Variants in RANBP2 observed in about 807,000 individuals in gnomAD.
RANBP2 encodes the protein E3 SUMO-protein ligase RanBP2.
In RANBP2, 57 loss-of-function variants were observed where a neutral mutation model predicts 303.6. That is an observed-to-expected ratio of 0.19 (90% CI 0.15 to 0.23). The LOEUF (loss-of-function observed/expected upper bound fraction) is 0.23, where lower values mean the gene tolerates loss of function less well. Among genes scored for constraint, RANBP2 ranks in the 10% least tolerant of loss-of-function variants. The pLI is 1.00. For missense variants in RANBP2, 3,138 were observed against 3,780.8 expected, an observed-to-expected ratio of 0.83 and a Z score of 4.46; for synonymous variants, 1,167 against 1,301.5, an observed-to-expected ratio of 0.90 and a Z score of 2.23.
the RANBP2 span, among the ~76,000 whole-genome samples, chr2:109,069,871 G>A: frequency 1.3e-5 from 2 of 152,186 alleles, no homozygotes. Flanking sequence ...ATTTTGTACT[G>A]TAAACCAGTA....
At chr2:108,728,269 C>T (rs1694887855) in intron 1 of RANBP2, among the ~76,000 whole-genome samples, 1 of 152,136 alleles carries the variant, frequency 6.6e-6, no homozygotes. Context: ...GCTTGTCTTA[C>T]TTTCTTGAAT....
the RANBP2 span, among the ~76,000 whole-genome samples, chr2:109,377,556 G>A: frequency 2.0e-5 from 3 of 152,170 alleles, no homozygotes; most frequent in Admixed American, 6.5e-5. Context: ...ATATGGTGTG[G>A]TGTTTGGGAA....
chr2:109,564,558 G>C, the RANBP2 span: 1 of 1,458,980 alleles, frequency 6.9e-7, no homozygotes, highest in African/African-American at 1.4e-5. Flanking sequence ...AATAAGAAAA[G>C]AACAACACTG....
the RANBP2 span, among the ~76,000 whole-genome samples, chr2:109,327,756 A>G: frequency 6.6e-6 from 1 of 152,240 alleles, no homozygotes; most frequent in Non-Finnish European, 1.5e-5. Context: ...ATTTTTAATT[A>G]TATATTTTAG....
At chr2:109,032,960 G>A in the RANBP2 span, among the ~76,000 whole-genome samples, 2 of 152,200 alleles carry the variant, frequency 1.3e-5, no homozygotes, top group African/African-American at 4.8e-5. Flanking sequence ...CCTCATATTT[G>A]ACCCATGTCA....
At chr2:108,967,123 C>T in the RANBP2 span, among the ~76,000 whole-genome samples, 9 of 152,110 alleles carry the variant, frequency 5.9e-5, no homozygotes, top group African/African-American at 9.7e-5. Flanking sequence ...TTAGTAGAGA[C>T]GGAGTTTTGT....
the RANBP2 span, among the ~76,000 whole-genome samples, chr2:109,572,380 G>A: frequency 3.3e-5 from 5 of 152,020 alleles, no homozygotes; most frequent in East Asian, 1.9e-4. Context: ...TGACTTGCCC[G>A]CCTCGGCCTC....
chr2:108,976,050 T>A, the RANBP2 span, among the ~76,000 whole-genome samples: 1 of 152,232 alleles, frequency 6.6e-6, no homozygotes, highest in East Asian at 1.9e-4. Context: ...TCATCCCTGA[T>A]GAACAAATAC....
chr2:109,307,871 C>A, the RANBP2 span, among the ~76,000 whole-genome samples: 16 of 128,342 alleles, frequency 1.2e-4, no homozygotes, highest in Non-Finnish European at 2.5e-4. Context: ...GTGAATAATG[C>A]CGCAGTAAAC....
At chr2:108,875,822 G>T in the RANBP2 span, among the ~76,000 whole-genome samples, 1 of 152,120 alleles carries the variant, frequency 6.6e-6, no homozygotes, top group African/African-American at 2.4e-5. Context: ...TCATGCCACT[G>T]CACTCCACCT....
At chr2:109,401,425 A>G in the RANBP2 span, among the ~76,000 whole-genome samples, 2 of 152,206 alleles carry the variant, frequency 1.3e-5, no homozygotes, top group African/African-American at 4.8e-5. Flanking sequence ...CTCTCACTGT[A>G]GTCAGGGACC....
chr2:108,794,578 A>G, the RANBP2 span: 1 of 1,613,748 alleles, frequency 6.2e-7, no homozygotes, highest in Admixed American at 1.7e-5. Flanking sequence ...GAGACCTCGG[A>G]CTGAGTGTTG....
the RANBP2 span, among the ~76,000 whole-genome samples, chr2:109,661,574 G>A: frequency 6.6e-6 from 1 of 152,090 alleles, no homozygotes; most frequent in African/African-American, 2.4e-5. Context: ...GCCAGGAATG[G>A]GAGTGTCACA....
the RANBP2 span, among the ~76,000 whole-genome samples, chr2:108,904,667 T>C: frequency 4.6e-5 from 7 of 152,318 alleles, no homozygotes; most frequent in East Asian, 1.4e-3. Context: ...TGCAACAACC[T>C]GGATGGACCT....
At chr2:109,582,119 C>T in the RANBP2 span, among the ~76,000 whole-genome samples, 3 of 150,812 alleles carry the variant, frequency 2.0e-5, no homozygotes, top group African/African-American at 7.3e-5. Flanking sequence ...CACACTCACT[C>T]TCACGCAAAA....
At chr2:109,017,236 G>C in the RANBP2 span, among the ~76,000 whole-genome samples, 1 of 152,216 alleles carries the variant, frequency 6.6e-6, no homozygotes, top group Non-Finnish European at 1.5e-5. Context: ...TTCAGATCCT[G>C]GAAGTGGTGT....
chr2:109,013,740 T>G, the RANBP2 span, among the ~76,000 whole-genome samples: 1 of 151,820 alleles, frequency 6.6e-6, no homozygotes, highest in Non-Finnish European at 1.5e-5. Context: ...CCACCACCCC[T>G]GGCTAATTTT....
chr2:109,415,396 A>G, the RANBP2 span, among the ~76,000 whole-genome samples: 1 of 152,200 alleles, frequency 6.6e-6, no homozygotes, highest in African/African-American at 2.4e-5. Context: ...GCATTGTTCC[A>G]GGGGGAGTGC....
chr2:108,824,234 GT>G, the RANBP2 span, among the ~76,000 whole-genome samples: 3 of 151,730 alleles, frequency 2.0e-5, no homozygotes, highest in Non-Finnish European at 4.4e-5. Context: ...AAACTTTTTA[GT>G]TTTTTTAACT....
Sources: allele counts gnomAD v4.1 joint callset (sites outside exome capture counted in the v4.1 genomes callset), GRCh38; gene constraint gnomAD v4.1.1; transcripts MANE v1.5; gene names NCBI Gene and HGNC (gene_info 2026-07-23, HGNC 2026-07-21).